Variants in GNG12 observed in about 807,000 individuals in gnomAD.
GNG12 encodes the protein guanine nucleotide-binding protein G(I)/G(S)/G(O) subunit gamma-12.
For synonymous variants in GNG12, 28 were observed against 29.7 expected (o/e 0.94, Z 0.19); for missense variants, 69 against 83.8 (o/e 0.82, Z 0.69).
At chr1:67,797,407 T>C (rs1219031626) in intron 1 of GNG12, among the ~76,000 whole-genome samples, 1 of 152,154 alleles carries the variant, frequency 6.6e-6, no homozygotes, top group Non-Finnish European at 1.5e-5. Context: ...CTTCACCAAG[T>C]ACCACACAAG....
At chr1:67,751,749 C>T (rs1016712201) in intron 2 of GNG12, among the ~76,000 whole-genome samples, 9 of 152,212 alleles carry the variant, frequency 5.9e-5, no homozygotes, top group Admixed American at 1.3e-4. Context: ...TCTTGTGTCT[C>T]TATGGCTGGT....
At position 67,767,886 on chromosome 1, in the gene GNG12, T is replaced by C. The variant is rs552664118; in HGVS notation, c.-27+9572A>G. Among the ~76,000 whole-genome samples the C allele has an allele frequency of 1.1e-4, 17 of 152,378 alleles. No individual in the cohort carries two copies. The South Asian group carries it at 3.1e-3, about 28-fold the overall frequency. ...AAAACAGTAAGAACAACTTCTTACA[T>C]ATAGAAATGTCTTCATAAAATCCAT... On this transcript the variant is annotated intron_variant, in intron 2 of 3. Coordinates refer to ENST00000370982, the MANE Select transcript of GNG12 (RefSeq NM_018841.6).
chr1:67,829,028 A>G (rs74081840), intron 1 of GNG12, among the ~76,000 whole-genome samples: 1,648 of 152,290 alleles, frequency 0.011, 35 homozygotes, highest in African/African-American at 0.037. Flanking sequence ...TAGTTAATAA[A>G]CCAGATTTGT....
intron 2 of GNG12, among the ~76,000 whole-genome samples, chr1:67,729,155 C>G (rs1646404587): frequency 6.6e-6 from 1 of 152,100 alleles, no homozygotes; most frequent in African/African-American, 2.4e-5. Context: ...TCTGAGTGCT[C>G]TCAACTCAGT....
chr1:67,785,825 A>C (rs1646764692), intron 1 of GNG12, among the ~76,000 whole-genome samples: 1 of 152,184 alleles, frequency 6.6e-6, no homozygotes, highest in African/African-American at 2.4e-5. Flanking sequence ...AATGTCTAAG[A>C]ATGTTTCCAA....
chr1:67,733,005 G>A (rs887618999), intron 2 of GNG12, among the ~76,000 whole-genome samples: 4 of 152,194 alleles, frequency 2.6e-5, no homozygotes, highest in Admixed American at 6.5e-5. Context: ...GAGGGAGGGC[G>A]TGGGAAAGGA....
chr1:67,808,000 A>T (rs1646902853), intron 1 of GNG12, among the ~76,000 whole-genome samples: 1 of 152,102 alleles, frequency 6.6e-6, no homozygotes, highest in Admixed American at 6.5e-5. Flanking sequence ...GCAGATAAAG[A>T]CATTACGAGA....
chr1:67,762,608 A>G lies in GNG12; in HGVS notation c.-27+14850T>C, dbSNP rs557828864. ...ACATATATGGCATCCTTCTACTGGA[A>G]TGGGGTATGTGGTGGTAAAGACGCA... On this transcript the variant is annotated intron_variant, in intron 2 of 3. Coordinates refer to ENST00000370982, the MANE Select transcript of GNG12 (RefSeq NM_018841.6). Among the ~76,000 whole-genome samples the G allele has an allele frequency of 4.6e-5, 7 of 152,318 alleles. No homozygotes were observed. The South Asian group carries it at 1.0e-3, about 23-fold the overall frequency.
intron 1 of GNG12, among the ~76,000 whole-genome samples, chr1:67,793,779 C>A (rs544403987): frequency 1.3e-5 from 2 of 152,316 alleles, no homozygotes; most frequent in East Asian, 3.9e-4. Context: ...TCCCTGTCCC[C>A]TCCTTCCTCA....
At position 67,703,338 on chromosome 1, in the gene GNG12, A is replaced by G. The variant is rs1374765539; in HGVS notation, c.*2113T>C. On this transcript the variant is annotated 3_prime_UTR_variant, in exon 4 of 4. Coordinates refer to ENST00000370982, the MANE Select transcript of GNG12 (RefSeq NM_018841.6). ...GTAAAAGAGCATGTTTCAGTACTAA[A>G]TAATAAACTATGCCTGCTACCAATA... is the stretch of plus-strand genomic sequence containing the variant. 1 of 152,236 alleles carries G rather than the reference A, an allele frequency of 6.6e-6. No homozygotes were observed. Among genetic ancestry groups the G allele is most frequent in the Non-Finnish European group, 1.5e-5 (1 of 68,040 alleles). 9.4% of individuals were successfully genotyped at this position (152,236 alleles called of 1,614,324 possible).
chr1:67,819,767 G>A (rs1356483272), intron 1 of GNG12, among the ~76,000 whole-genome samples: 1 of 152,106 alleles, frequency 6.6e-6, no homozygotes, highest in Non-Finnish European at 1.5e-5. Context: ...TTCTTTTTGT[G>A]CTCAAACATG....
chr1:67,767,813 G>C (rs1490050006), intron 2 of GNG12, among the ~76,000 whole-genome samples: 1 of 152,230 alleles, frequency 6.6e-6, no homozygotes, highest in Non-Finnish European at 1.5e-5. Context: ...ATGTGCTACA[G>C]TTTGGAATTT....
chr1:67,710,821 G>C (rs1646291000), intron 2 of GNG12, among the ~76,000 whole-genome samples: 1 of 152,198 alleles, frequency 6.6e-6, no homozygotes. Context: ...CCTTCCAATG[G>C]GGTATTCCTG....
intron 1 of GNG12, among the ~76,000 whole-genome samples, chr1:67,828,314 T>C (rs1355544078): frequency 6.6e-6 from 1 of 152,154 alleles, no homozygotes; most frequent in Non-Finnish European, 1.5e-5. Context: ...CTCATGTTTC[T>C]CTTGATTAGT....
intron 1 of GNG12, among the ~76,000 whole-genome samples, chr1:67,786,370 C>A (rs1195690554): frequency 1.3e-5 from 2 of 152,002 alleles, no homozygotes; most frequent in South Asian, 2.1e-4. Context: ...CAAATTAAGA[C>A]CTAACACTAA....
At chr1:67,707,458 G>A in intron 3 of GNG12, 136 bp downstream of exon 3, 1 of 666,796 alleles carries the variant, frequency 1.5e-6, no homozygotes, top group Non-Finnish European at 2.6e-6. Flanking sequence ...AGGATTTTGA[G>A]ACTCTCAGCC....
chr1:67,787,040 T>A (rs1017152951), intron 1 of GNG12, among the ~76,000 whole-genome samples: 56 of 137,688 alleles, frequency 4.1e-4, no homozygotes, highest in African/African-American at 1.6e-3. Flanking sequence ...TGTATAAGTG[T>A]GTGTGTGTGT....
Position 67,805,266 on chromosome 1 carries a change from C to G in GNG12, c.-76-27759G>C, listed in dbSNP as rs538761423. 5.9e-5 allele frequency among the ~76,000 whole-genome samples: 9 copies of G among 152,326 alleles called. 1 individual carries two copies. In the East Asian group the frequency reaches 1.5e-3, roughly 26 times the overall value. On this transcript the variant is annotated intron_variant, in intron 1 of 3. Coordinates refer to ENST00000370982, the MANE Select transcript of GNG12 (RefSeq NM_018841.6). ...AGCCTATTTATCACATTTCCTTCAT[C>G]TGGGACATCATGTCTGCCTTTCATT...
In GNG12 at chr1:67,755,384, C is replaced by G. The variant is rs186709387; in HGVS notation, c.-27+22074G>C. ...CACTTCCTATTTTGTCTTAGAGGTACTTATTAGGTACAAATCTTGTTTCTT... is the reference window on the plus strand; with the variant it reads ...CACTTCCTATTTTGTCTTAGAGGTAGTTATTAGGTACAAATCTTGTTTCTT... On this transcript the variant is annotated intron_variant, in intron 2 of 3. Coordinates refer to ENST00000370982, the MANE Select transcript of GNG12 (RefSeq NM_018841.6). Among the ~76,000 whole-genome samples, 5 of 152,278 alleles carry G rather than the reference C, an allele frequency of 3.3e-5. No homozygotes were observed. The East Asian group carries it at 9.6e-4, about 29-fold the overall frequency.
Sources: gnomAD v4.1 joint callset for allele counts (sites outside exome capture counted in the v4.1 genomes callset) on GRCh38, gnomAD v4.1.1 for gene constraint, MANE v1.5 for transcripts, NCBI Gene and HGNC (gene_info 2026-07-23, HGNC 2026-07-21) for gene names.